Variants in SNF8 observed in about 807,000 individuals in gnomAD.
SNF8 encodes the protein SNF8 subunit of ESCRT-II.
In SNF8, 19 loss-of-function variants were observed where a neutral mutation model predicts 36.8. The ratio of observed to expected loss-of-function variants is 0.52; its 90% CI spans 0.36 to 0.76. The LOEUF is 0.76. Among genes scored for constraint, SNF8 ranks in the 30% least tolerant of loss-of-function variants. The probability of loss-of-function intolerance (pLI) is 0.00; values close to 1 mark genes in which losing one functional copy is unlikely to be tolerated. For missense variants in SNF8, 268 were observed against 322.9 expected (o/e 0.83, Z 1.30); for synonymous variants, 127 against 127.4 (o/e 1.00, Z 0.02).
chr17:48,940,670 T>G (rs1049471451), intron 3 of SNF8, among the ~76,000 whole-genome samples: 1 of 152,038 alleles, frequency 6.6e-6, no homozygotes, highest in Non-Finnish European at 1.5e-5. Context: ...AGCACCTGTA[T>G]TCCCAGCTAC....
At chr17:48,930,745 T>C in intron 7 of SNF8, 133 bp from the exon 8 acceptor site, 1 of 894,678 alleles carries the variant, frequency 1.1e-6, no homozygotes, top group Non-Finnish European at 1.6e-6. Context: ...CCTTCAAACC[T>C]TTACACAACC....
intron 1 of SNF8, 129 bp downstream of exon 1, chr17:48,944,552 G>T: frequency 9.6e-7 from 1 of 1,042,278 alleles, no homozygotes. Flanking sequence ...GAGAAATTCT[G>T]TGTCCCGGGG....
In SNF8 at chr17:48,930,266, T is replaced by C. The variant is rs1422477911; in HGVS notation, c.*209A>G. Reference sequence around the variant, plus strand: ...ATCATTTTATATGTGCTTGCCGTTCTCTGTGTTAATCAGATTATGCTTACT... The same window carrying C: ...ATCATTTTATATGTGCTTGCCGTTCCCTGTGTTAATCAGATTATGCTTACT... On this transcript the variant is annotated 3_prime_UTR_variant, in exon 8 of 8. Coordinates refer to ENST00000502492, the MANE Select transcript of SNF8 (RefSeq NM_007241.4). The C allele has an allele frequency of 2.2e-6, 1 of 454,916 alleles. No individual in the cohort carries two copies. The highest frequency in any genetic ancestry group is 3.8e-6 in the Non-Finnish European group (1 of 261,172). 28.2% of individuals were successfully genotyped at this position (454,916 alleles called of 1,614,324 possible).
chr17:48,933,489 C>T, intron 5 of SNF8, 143 bp from the exon 6 acceptor site: 2 of 915,872 alleles, frequency 2.2e-6, no homozygotes, highest in African/African-American at 1.7e-5. Flanking sequence ...CCCATAATCG[C>T]AACACTTTTG....
chr17:48,934,470 G>T, intron 5 of SNF8: 1 of 219,572 alleles, frequency 4.6e-6, no homozygotes, highest in Non-Finnish European at 9.4e-6. Flanking sequence ...GGGCGCCAGT[G>T]GCAGGTACCT....
intron 5 of SNF8, chr17:48,933,712 G>C (rs1304254095): frequency 5.2e-6 from 1 of 191,570 alleles, no homozygotes; most frequent in Non-Finnish European, 1.1e-5. Flanking sequence ...CTCCAGCCTG[G>C]GTGACAGAGC....
Position 48,937,118 on chromosome 17 carries a change from T to G in SNF8, c.251A>C (p.Lys84Thr). The change falls in exon 4 of 8, where the codon AAA (lysine) becomes ACA (threonine). Residue 84 changes from lysine to threonine, a missense_variant. Coordinates refer to ENST00000502492, the MANE Select transcript of SNF8 (RefSeq NM_007241.4). The stretch of plus-strand genomic sequence containing the variant: ...GCCCAGCATCTCAGACCAAAATCCT[T>G]TTCCAGCTACAAGACAGAAAAACAA... ...TIGVDPLASG[K>T]GFWSEMLGVG... 1 of 1,613,242 alleles carries G rather than the reference T, an allele frequency of 6.2e-7. No homozygotes were observed. Among genetic ancestry groups the G allele is most frequent in the Non-Finnish European group, 8.5e-7 (1 of 1,179,136 alleles).
intron 6 of SNF8, 168 bp downstream of exon 6, chr17:48,933,037 G>A: frequency 1.5e-6 from 1 of 660,634 alleles, no homozygotes; most frequent in East Asian, 2.8e-5. Flanking sequence ...GCTTTGCACT[G>A]TAGCTGCTCA....
chr17:48,931,001 G>A (rs2040850336), intron 7 of SNF8, among the ~76,000 whole-genome samples: 1 of 152,206 alleles, frequency 6.6e-6, no homozygotes, highest in Non-Finnish European at 1.5e-5. Context: ...TAGCAAACAT[G>A]ATTGACCATA....
At chr17:48,939,278 A>C (rs535812275) in intron 3 of SNF8, among the ~76,000 whole-genome samples, 5 of 151,034 alleles carry the variant, frequency 3.3e-5, no homozygotes, top group South Asian at 2.1e-4. Flanking sequence ...AAAAAAAAAA[A>C]AAAAAACACT....
intron 3 of SNF8, among the ~76,000 whole-genome samples, chr17:48,937,644 A>G (rs1247910663): frequency 6.8e-6 from 1 of 146,720 alleles, no homozygotes; most frequent in Non-Finnish European, 1.5e-5. Context: ...AAAAAAAAAT[A>G]CAGCCGGGGA....
At chr17:48,931,781 C>T in intron 6 of SNF8, 64 bp from the exon 7 acceptor site, 1 of 1,328,206 alleles carries the variant, frequency 7.5e-7, no homozygotes, top group Non-Finnish European at 1.1e-6. Context: ...AACCCAGGAT[C>T]TGCCCAGGAA....
chr17:48,944,812 A>G lies in SNF8; in HGVS notation c.-78T>C. On this transcript the variant is annotated 5_prime_UTR_variant, in exon 1 of 8. Coordinates refer to ENST00000502492, the MANE Select transcript of SNF8 (RefSeq NM_007241.4). ...TCCCGGACTCCGCCGCCGGCTCCCC[A>G]AGGCGGAAGCCCGAGCCGCGCGTCA... is the stretch of plus-strand genomic sequence containing the variant. The G allele has an allele frequency of 6.9e-7, 1 of 1,444,434 alleles. No individual in the cohort carries two copies. Among genetic ancestry groups the G allele is most frequent in the Non-Finnish European group, 9.0e-7 (1 of 1,110,456 alleles). The allele number at this position is 1,444,434 out of a possible 1,614,324, so 89.5% of individuals were successfully genotyped here. A position where few individuals can be genotyped will look rare whatever the true frequency, so the allele number is the denominator to read the frequency against.
In SNF8 at chr17:48,931,705, C is replaced by T. The variant is rs770037859; in HGVS notation, c.577G>A (p.Val193Met). 18 of 1,612,568 alleles carry T rather than the reference C, an allele frequency of 1.1e-5. No homozygotes were observed. The highest frequency in any genetic ancestry group is 3.3e-4 in the Middle Eastern group (2 of 6,082). Residue 193 changes from valine to methionine, a missense_variant, in exon 7 of 8, where the codon GTG becomes ATG. Physicochemically the swap from Val to Met is conservative, Grantham distance 21. Transcript: ENST00000502492. ...VLQLAEKNGYVTVSEIKASLK... is the reference protein window; with the variant it reads ...VLQLAEKNGYMTVSEIKASLK... ...CTGGCTTTGATCTCACTGACAGTCA[C>T]GTAGCCATTCTTCTGAAGGAAGGAG...
intron 6 of SNF8, chr17:48,932,143 C>T (rs1220815146): frequency 6.5e-6 from 1 of 154,768 alleles, no homozygotes; most frequent in South Asian, 1.9e-4. Context: ...TCACTGGAAC[C>T]TGGGAGATGG....
In SNF8 at chr17:48,933,046, C is replaced by T. The variant is rs1029634438; in HGVS notation, c.564+159G>A. On this transcript the variant is annotated intron_variant, in intron 6 of 7. Coordinates refer to ENST00000502492, the MANE Select transcript of SNF8 (RefSeq NM_007241.4). Reference sequence around the variant, plus strand: ...CCCAGTGCTTTGCACTGTAGCTGCTCAATAAATGTCTGCTGAACAAGCACA... The same window carrying T: ...CCCAGTGCTTTGCACTGTAGCTGCTTAATAAATGTCTGCTGAACAAGCACA... 4.3e-6 allele frequency: 3 copies of T among 697,446 alleles called. No individual in the cohort carries two copies. In the African/African-American group the frequency reaches 5.3e-5, roughly 12 times the overall value. The allele number at this position is 697,446 out of a possible 1,614,324, so 43.2% of individuals were successfully genotyped here.
chr17:48,942,062 C>T (rs1231433990), intron 2 of SNF8, among the ~76,000 whole-genome samples: 1 of 152,102 alleles, frequency 6.6e-6, no homozygotes, highest in South Asian at 2.1e-4. Context: ...TGGGGATCAA[C>T]TCCAGATAAA....
chr17:48,938,600 T>C (rs2040973502), intron 3 of SNF8, among the ~76,000 whole-genome samples: 1 of 152,046 alleles, frequency 6.6e-6, no homozygotes, highest in South Asian at 2.1e-4. Context: ...CCAGGAGCAG[T>C]GGCTCACGCC....
intron 3 of SNF8, among the ~76,000 whole-genome samples, chr17:48,939,647 G>A (rs1247589356): frequency 6.6e-6 from 1 of 151,358 alleles, no homozygotes; most frequent in Non-Finnish European, 1.5e-5. Flanking sequence ...TTTTAGTAGA[G>A]ACAGGGTTTC....
Sources: gnomAD v4.1 joint callset for allele counts (sites outside exome capture counted in the v4.1 genomes callset) on GRCh38, gnomAD v4.1.1 for gene constraint, MANE v1.5 for transcripts, NCBI Gene and HGNC (gene_info 2026-07-23, HGNC 2026-07-21) for gene names.